DUSP13A: variants seen among roughly 807,000 people sequenced by gnomAD.
DUSP13A encodes dual specificity phosphatase 13A.
At chr10:75,107,088 CA>C in the DUSP13A span, among the ~76,000 whole-genome samples, 1 of 152,178 alleles carries the variant, frequency 6.6e-6, no homozygotes, top group Admixed American at 6.5e-5. Flanking sequence ...ATAATCCCAG[CA>C]CTTTGGGAGG....
At chr10:75,105,831 G>A in the DUSP13A span, 1 of 1,550,690 alleles carries the variant, frequency 6.4e-7, no homozygotes, top group Non-Finnish European at 8.7e-7. Flanking sequence ...GCGTGGCAGA[G>A]CGGCTCACGC....
chr10:75,106,679 T>C, the DUSP13A span, among the ~76,000 whole-genome samples: 1 of 152,220 alleles, frequency 6.6e-6, no homozygotes, highest in Non-Finnish European at 1.5e-5. Context: ...TATTCGCAAT[T>C]TGGCTGTCTT....
At chr10:75,107,232 G>A in the DUSP13A span, among the ~76,000 whole-genome samples, 4 of 152,068 alleles carry the variant, frequency 2.6e-5, no homozygotes, top group African/African-American at 9.7e-5. Flanking sequence ...CTACTTGGGA[G>A]GCTGAGACAC....
At chr10:75,108,825 G>C in the DUSP13A span, among the ~76,000 whole-genome samples, 1 of 152,182 alleles carries the variant, frequency 6.6e-6, no homozygotes, top group Non-Finnish European at 1.5e-5. Context: ...TGCTCTCCCT[G>C]GTGGCCATAC....
the DUSP13A span, chr10:75,107,947 C>A: frequency 6.4e-7 from 1 of 1,564,774 alleles, no homozygotes; most frequent in Non-Finnish European, 8.7e-7. Flanking sequence ...GCATCCTCCC[C>A]ATGAATGAGC....
chr10:75,108,012 C>A, the DUSP13A span: 1 of 1,612,884 alleles, frequency 6.2e-7, no homozygotes, highest in Non-Finnish European at 8.5e-7. Flanking sequence ...GTTGAGGGCA[C>A]GGTGGATGAA....
the DUSP13A span, chr10:75,108,068 G>A: frequency 1.2e-6 from 2 of 1,613,908 alleles, no homozygotes; most frequent in South Asian, 1.1e-5. Flanking sequence ...AATCAGGGAG[G>A]TCGTGGGCTG....
At chr10:75,108,111 A>T in the DUSP13A span, 1 of 1,613,818 alleles carries the variant, frequency 6.2e-7, no homozygotes, top group Admixed American at 1.7e-5. Flanking sequence ...GCTGCCGTAG[A>T]AGTCAGGGCC....
chr10:75,107,965 GAT>G, the DUSP13A span: 1 of 1,592,920 alleles, frequency 6.3e-7, no homozygotes, highest in African/African-American at 1.3e-5. Context: ...AGCAAGATGG[GAT>G]ATGGGCTTGG....
the DUSP13A span, among the ~76,000 whole-genome samples, chr10:75,108,735 G>C: frequency 3.3e-4 from 51 of 152,270 alleles, no homozygotes; most frequent in African/African-American, 1.2e-3. Context: ...CTGGGCCTCT[G>C]CCTCTACACT....
chr10:75,108,245 A>G, the DUSP13A span: 1 of 1,564,052 alleles, frequency 6.4e-7, no homozygotes. Context: ...ATGCCGGCCA[A>G]GCCATGGGAC....
chr10:75,108,265 G>A, the DUSP13A span: 6 of 1,534,226 alleles, frequency 3.9e-6, no homozygotes, highest in Non-Finnish European at 5.2e-6. Context: ...CCAGGAGGGA[G>A]GCTGTGCCTG....
the DUSP13A span, among the ~76,000 whole-genome samples, chr10:75,107,589 CG>C: frequency 3.3e-5 from 5 of 150,402 alleles, no homozygotes; most frequent in South Asian, 2.1e-4. Context: ...TTTTTTTTGG[CG>C]GGGGGGGATG....
At chr10:75,107,266 C>A in the DUSP13A span, among the ~76,000 whole-genome samples, 7 of 150,922 alleles carry the variant, frequency 4.6e-5, no homozygotes, top group African/African-American at 1.7e-4. Flanking sequence ...AGCCCAGAGG[C>A]AGAGGTTGAA....
chr10:75,107,980 C>G, the DUSP13A span: 1 of 1,605,894 alleles, frequency 6.2e-7, no homozygotes, highest in African/African-American at 1.3e-5. Flanking sequence ...GGGCTTGGAC[C>G]CCAAGTCCTA....
chr10:75,107,145 C>G, the DUSP13A span, among the ~76,000 whole-genome samples: 2 of 152,232 alleles, frequency 1.3e-5, no homozygotes, highest in East Asian at 3.9e-4. Flanking sequence ...AGACCAGCCT[C>G]GCCAACATGG....
the DUSP13A span, chr10:75,107,924 G>C: frequency 6.7e-7 from 1 of 1,500,680 alleles, no homozygotes; most frequent in Non-Finnish European, 9.0e-7. Context: ...ACTGATGACT[G>C]AGAGGAAATG....
the DUSP13A span, among the ~76,000 whole-genome samples, chr10:75,107,284 G>A: frequency 6.6e-6 from 1 of 151,926 alleles, no homozygotes; most frequent in African/African-American, 2.4e-5. Context: ...GAACCCAGGA[G>A]GCGGAGGAGC....
the DUSP13A span, among the ~76,000 whole-genome samples, chr10:75,107,790 T>C: frequency 6.6e-6 from 1 of 152,200 alleles, no homozygotes; most frequent in Non-Finnish European, 1.5e-5. Context: ...TTGGCCAGGC[T>C]GGTCTTGAAC....
Sources: gnomAD v4.1 joint callset for allele counts (sites outside exome capture counted in the v4.1 genomes callset) on GRCh38, gnomAD v4.1.1 for gene constraint, MANE v1.5 for transcripts, NCBI Gene and HGNC (gene_info 2026-07-23, HGNC 2026-07-21) for gene names.